The following CLVS1 variants were observed in gnomAD, a reference collection of about 807,000 sequenced individuals.
CLVS1 encodes clavesin 1, also known as clavesin-1.
CLVS1 carries 10 observed loss-of-function variants against 33.1 expected under a neutral mutation model. That is an observed-to-expected ratio of 0.30 (90% CI 0.19 to 0.51). CLVS1 has a LOEUF of 0.51. CLVS1 is among the 20% of genes least tolerant of loss of function. CLVS1 has a pLI of 0.97. For synonymous variants in CLVS1, 163 were observed against 166.1 expected, an observed-to-expected ratio of 0.98 and a Z score of 0.14; for missense variants, 343 against 433.4, an observed-to-expected ratio of 0.79 and a Z score of 1.85.
chr8:61,102,550 G>T (rs1376893157), intron 1 of CLVS1, among the ~76,000 whole-genome samples: 1 of 152,100 alleles, frequency 6.6e-6, no homozygotes, highest in Non-Finnish European at 1.5e-5. Context: ...GAATAGAGAT[G>T]GTTTGACTTC....
At chr8:61,113,770 T>A (rs1805670169) in intron 1 of CLVS1, among the ~76,000 whole-genome samples, 1 of 152,176 alleles carries the variant, frequency 6.6e-6, no homozygotes, top group African/African-American at 2.4e-5. Context: ...TAGCCAGGTG[T>A]GGTGAGTGTG....
chr8:61,202,652 G>T (rs2931327), intron 2 of CLVS1: 2 of 1,525,160 alleles, frequency 1.3e-6, no homozygotes, highest in Admixed American at 3.3e-5. Context: ...GTAGTCTTAA[G>T]GTTGAAGTGT....
intron 2 of CLVS1, among the ~76,000 whole-genome samples, chr8:61,181,697 C>CTTCTT (rs1807234626): frequency 9.7e-6 from 1 of 103,202 alleles, no homozygotes; most frequent in African/African-American, 3.6e-5. Flanking sequence ...ACCATCTGAT[C>CTTCTT]TTTTTTTTTT....
chr8:61,054,222 A>C (rs960519693), upstream of CLVS1, among the ~76,000 whole-genome samples: 3 of 152,152 alleles, frequency 2.0e-5, no homozygotes, highest in Non-Finnish European at 2.9e-5. Flanking sequence ...GCACGACCAA[A>C]CAGGGTCAGC....
intron 2 of CLVS1, among the ~76,000 whole-genome samples, chr8:61,253,810 T>C (rs1036559294): frequency 1.3e-5 from 2 of 152,204 alleles, no homozygotes; most frequent in African/African-American, 2.4e-5. Flanking sequence ...GTTATTCTAG[T>C]TAGCCATTTG....
At chr8:61,326,432 A>G (rs926067031) in intron 2 of CLVS1, among the ~76,000 whole-genome samples, 9 of 152,162 alleles carry the variant, frequency 5.9e-5, no homozygotes, top group Admixed American at 3.9e-4. Context: ...TTGGTCTTCT[A>G]TACAGTATAG....
At chr8:61,310,869 G>C (rs555353231) in intron 2 of CLVS1, among the ~76,000 whole-genome samples, 2 of 152,320 alleles carry the variant, frequency 1.3e-5, no homozygotes, top group Admixed American at 6.5e-5. Flanking sequence ...TTCATATAGA[G>C]ACTTTCTGTT....
At chr8:61,150,987 G>A (rs1806521597) in intron 2 of CLVS1, among the ~76,000 whole-genome samples, 1 of 152,148 alleles carries the variant, frequency 6.6e-6, no homozygotes, top group Non-Finnish European at 1.5e-5. Flanking sequence ...ACATTCTGGG[G>A]GCCTGTATAA....
chr8:61,365,254 G>A (rs1393459082), intron 2 of CLVS1, among the ~76,000 whole-genome samples: 2 of 152,144 alleles, frequency 1.3e-5, no homozygotes, highest in East Asian at 3.9e-4. Flanking sequence ...TTGGCCAGGT[G>A]CGTTGGCTCA....
At chr8:61,055,448 T>C (rs1804459700), upstream of CLVS1, among the ~76,000 whole-genome samples, 1 of 152,262 alleles carries the variant, frequency 6.6e-6, no homozygotes, top group Non-Finnish European at 1.5e-5. Context: ...CCCTTTTTGC[T>C]AATTTACTTT....
the CLVS1 span, among the ~76,000 whole-genome samples, chr8:61,025,748 G>A: frequency 3.3e-5 from 5 of 152,140 alleles, no homozygotes; most frequent in Non-Finnish European, 7.4e-5. Context: ...CCCTGCCAAC[G>A]TGCTGATCCA....
chr8:61,496,926 C>A (rs1387558065), intron 5 of CLVS1, among the ~76,000 whole-genome samples: 1 of 152,156 alleles, frequency 6.6e-6, no homozygotes, highest in East Asian at 1.9e-4. Flanking sequence ...TTCTATACAT[C>A]ATATGACTTC....
chr8:61,423,860 A>G (rs1180015839), intron 3 of CLVS1, among the ~76,000 whole-genome samples: 3 of 152,262 alleles, frequency 2.0e-5, no homozygotes, highest in African/African-American at 7.2e-5. Context: ...ACATTAAAGG[A>G]TGAAAATGGT....
intron 2 of CLVS1, among the ~76,000 whole-genome samples, chr8:61,223,746 T>A (rs899928786): frequency 6.6e-6 from 1 of 152,234 alleles, no homozygotes; most frequent in African/African-American, 2.4e-5. Context: ...TTGGGGAAGT[T>A]CTCCTGGATA....
intron 5 of CLVS1, among the ~76,000 whole-genome samples, chr8:61,479,651 G>A (rs1401174329): frequency 6.6e-6 from 1 of 152,200 alleles, no homozygotes; most frequent in Non-Finnish European, 1.5e-5. Context: ...TGGAGGAGGA[G>A]AGGTGCTGTG....
chr8:61,429,899 A>C (rs924165455), intron 3 of CLVS1, among the ~76,000 whole-genome samples: 1 of 152,200 alleles, frequency 6.6e-6, no homozygotes, highest in African/African-American at 2.4e-5. Flanking sequence ...TATTAGTAAT[A>C]ATTTTCTCTC....
At chr8:61,458,736 C>T (rs1817255834) in intron 5 of CLVS1, 194 bp downstream of exon 5, 2 of 500,136 alleles carry the variant, frequency 4.0e-6, no homozygotes, top group Non-Finnish European at 7.0e-6. Context: ...CTATAGTTGT[C>T]CCCATTGTAT....
intron 3 of CLVS1, among the ~76,000 whole-genome samples, chr8:61,440,581 A>G (rs1470967898): frequency 6.6e-6 from 1 of 152,216 alleles, no homozygotes; most frequent in Non-Finnish European, 1.5e-5. Context: ...AAAAGGGACA[A>G]TTAGGGAATA....
chr8:61,065,200 T>C (rs1422684317), intron 1 of CLVS1, among the ~76,000 whole-genome samples: 1 of 152,244 alleles, frequency 6.6e-6, no homozygotes, highest in Non-Finnish European at 1.5e-5. Context: ...CGTCCTCCCG[T>C]ATACTTTAAA....
Sources: allele counts gnomAD v4.1 joint callset (sites outside exome capture counted in the v4.1 genomes callset), GRCh38; gene constraint gnomAD v4.1.1; transcripts MANE v1.5; gene names NCBI Gene and HGNC (gene_info 2026-07-23, HGNC 2026-07-21).